SMG5: variants seen among roughly 807,000 people sequenced by gnomAD.
SMG5 encodes SMG5 nonsense mediated mRNA decay factor.
In SMG5, 53 loss-of-function variants were observed where a neutral mutation model predicts 122.9. That is an observed-to-expected ratio of 0.43 (90% CI 0.35 to 0.54). SMG5 has a LOEUF of 0.54. Among genes scored for constraint, SMG5 ranks in the 20% least tolerant of loss-of-function variants. The pLI is 0.01. For synonymous variants in SMG5, 477 were observed against 490.2 expected (o/e 0.97, Z 0.35); for missense variants, 1,153 against 1,285.6 (o/e 0.90, Z 1.58).
chr1:156,278,195 C>G, intron 2 of SMG5, 147 bp from the exon 3 acceptor site: 5 of 944,232 alleles, frequency 5.3e-6, no homozygotes. Context: ...TGACCCAGCA[C>G]AACAGCAGCC....
At chr1:156,268,264 C>T (rs568892582) in intron 8 of SMG5, 26 bp downstream of exon 8, 3 of 1,614,084 alleles carry the variant, frequency 1.9e-6, no homozygotes, top group Admixed American at 1.7e-5. Flanking sequence ...CAGAAAAAAC[C>T]CGTCCTCCTC....
chr1:156,258,312 C>T (rs960971372), intron 16 of SMG5, among the ~76,000 whole-genome samples: 2 of 152,240 alleles, frequency 1.3e-5, no homozygotes, highest in Non-Finnish European at 2.9e-5. Context: ...GTGCAAGGCA[C>T]CTCACACCCA....
At chr1:156,274,723 C>A in intron 4 of SMG5, 37 bp from the exon 5 acceptor site, 1 of 1,558,838 alleles carries the variant, frequency 6.4e-7, no homozygotes, top group South Asian at 1.1e-5. Flanking sequence ...TAGGCCCATT[C>A]TTCTGCCTTC....
intron 16 of SMG5, among the ~76,000 whole-genome samples, chr1:156,258,014 G>T (rs1206642521): frequency 1.3e-5 from 2 of 152,238 alleles, no homozygotes; most frequent in African/African-American, 4.8e-5. Context: ...GGACTGTCTT[G>T]TTCACTGCTA....
In SMG5 at chr1:156,253,086, G is replaced by C. The variant is rs1463544918; in HGVS notation, c.2503-8C>G. 6.3e-7 allele frequency: 1 copy of C among 1,595,032 alleles called. No individual in the cohort carries two copies. Among genetic ancestry groups the C allele is most frequent in the East Asian group, 2.2e-5 (1 of 44,502 alleles). On this transcript the variant is annotated splice_polypyrimidine_tract_variant and splice_region_variant and intron_variant, in intron 17 of 21. Transcript: ENST00000361813. ...CAGCTGAGACACTTCGAGCTGGTGA[G>C]AGAGGGCAAGGTGGGTACAGCTGTG...
rs1371244649 is a variant in SMG5 at position 156,268,319 on chromosome 1, C to G, written c.810G>C (p.Glu270Asp). The G allele has an allele frequency of 1.2e-6, 2 of 1,614,208 alleles. No individual in the cohort carries two copies. Among genetic ancestry groups the G allele is most frequent in the Non-Finnish European group, 1.7e-6 (2 of 1,180,038 alleles). ...AKMYHQLKKC[E>D]TRKLSPGKKR... ...TTTTGCCAGGAGACAGTTTCCGAGT[C>G]TCACACTTCTTCAGTTGGTGGTACA... The change falls in exon 8 of 22, where the codon GAG (glutamate) becomes GAC (aspartate). Residue 270 changes from glutamate to aspartate, a missense_variant. By Grantham distance (45) the Glu-to-Asp change is conservative (BLOSUM62 2). Transcript: ENST00000361813.
At chr1:156,269,271 C>A (rs376680623) in intron 7 of SMG5, among the ~76,000 whole-genome samples, 358 of 152,188 alleles carry the variant, frequency 2.4e-3, no homozygotes, top group Non-Finnish European at 3.6e-3. Context: ...CGCCCAGCCC[C>A]AGCTCATTTT....
intron 21 of SMG5, 92 bp from the exon 22 acceptor site, chr1:156,250,762 GA>G (rs1246246972): frequency 1.2e-6 from 2 of 1,600,316 alleles, no homozygotes; most frequent in Non-Finnish European, 1.7e-6. Flanking sequence ...TGATGGAAGA[GA>G]AAAAAAGGTA....
intron 5 of SMG5, 81 bp from the exon 6 acceptor site, chr1:156,273,531 G>C: frequency 6.1e-6 from 8 of 1,321,854 alleles, no homozygotes; most frequent in Non-Finnish European, 8.6e-6. Flanking sequence ...AGTCCACTCT[G>C]AGAGTGGTAA....
intron 13 of SMG5, among the ~76,000 whole-genome samples, 154 bp downstream of exon 13, chr1:156,263,241 G>A (rs1249574484): frequency 6.6e-6 from 1 of 152,212 alleles, no homozygotes; most frequent in Non-Finnish European, 1.5e-5. Flanking sequence ...ATCCTTCCCT[G>A]TCAGAGCATA....
chr1:156,266,769 T>A, intron 10 of SMG5, 91 bp from the exon 11 acceptor site: 2 of 1,383,752 alleles, frequency 1.4e-6, no homozygotes, highest in Non-Finnish European at 2.0e-6. Flanking sequence ...TGTTCTCAAC[T>A]CTTCCAAGGA....
chr1:156,250,769 A>T, intron 21 of SMG5, 89 bp downstream of exon 21: 11 of 1,603,926 alleles, frequency 6.9e-6, no homozygotes, highest in Non-Finnish European at 9.4e-6. Flanking sequence ...AGAGAAAAAA[A>T]GGTAGCTATG....
intron 16 of SMG5, among the ~76,000 whole-genome samples, chr1:156,254,100 A>G (rs1661472864): frequency 6.6e-6 from 1 of 152,170 alleles, no homozygotes; most frequent in Non-Finnish European, 1.5e-5. Flanking sequence ...CAGCCCCAGA[A>G]GTTATCAGGT....
At position 156,266,530 on chromosome 1, in the gene SMG5, G is replaced by A. The variant is rs753067797; in HGVS notation, c.1255+11C>T. The A allele has an allele frequency of 7.4e-6, 12 of 1,613,858 alleles. No homozygotes were observed. The highest frequency in any genetic ancestry group is 1.7e-5 in the Admixed American group (1 of 59,968). On this transcript the variant is annotated intron_variant, in intron 11 of 21. Coordinates refer to ENST00000361813, the MANE Select transcript of SMG5 (RefSeq NM_015327.3). ...ACCTTTCCATAGTGATGACCTCCCCGATTCTCCCACCTGTGCCATCACTCT... is the reference window on the plus strand; with the variant it reads ...ACCTTTCCATAGTGATGACCTCCCCAATTCTCCCACCTGTGCCATCACTCT...
chr1:156,274,262 T>A (rs543332658), intron 5 of SMG5, among the ~76,000 whole-genome samples: 14 of 152,354 alleles, frequency 9.2e-5, no homozygotes, highest in African/African-American at 3.4e-4. Context: ...CTGAAGTTTC[T>A]ATTCATCTAG....
rs1381263662 is a variant in SMG5 at position 156,260,536 on chromosome 1, G to C, written c.2198C>G (p.Ala733Gly). 1 of 1,574,362 alleles carries C rather than the reference G, an allele frequency of 6.4e-7. No individual in the cohort carries two copies. Among genetic ancestry groups the C allele is most frequent in the East Asian group, 2.4e-5 (1 of 41,890 alleles). The change falls in exon 15 of 22, where the codon GCT (alanine) becomes GGT (glycine). Residue 733 changes from alanine (A) to glycine (G), a missense_variant. Ala to Gly is a moderately conservative substitution (Grantham distance 60). This residue lies in a region of SMG5 where 631 missense variants were observed against 650.6 expected (regional missense o/e 0.97). Transcript: ENST00000361813. ...PSSLLLPEDM[A>G]LRNLPPLRAA... ...TCGGAGCGGGGGCAGGTTACGAAGA[G>C]CCATGTCCTCTGGGAGCAGAAGGCT...
At chr1:156,275,029 G>T (rs1050852184) in intron 4 of SMG5, among the ~76,000 whole-genome samples, 1 of 151,464 alleles carries the variant, frequency 6.6e-6, no homozygotes, top group Non-Finnish European at 1.5e-5. Context: ...TATGAATAGG[G>T]TCATGAATGT....
chr1:156,265,640 A>T, intron 12 of SMG5, 141 bp downstream of exon 12: 1 of 1,283,788 alleles, frequency 7.8e-7, no homozygotes, highest in Non-Finnish European at 1.1e-6. Context: ...GAAAAAACTC[A>T]TGGGCTACAC....
At chr1:156,266,797 G>A in intron 10 of SMG5, 119 bp from the exon 11 acceptor site, 10 of 993,186 alleles carry the variant, frequency 1.0e-5, no homozygotes, top group Middle Eastern at 2.9e-4. Context: ...ACTTATCAAA[G>A]ATTCTTTTTT....
Sources: gnomAD v4.1 joint callset for allele counts (sites outside exome capture counted in the v4.1 genomes callset) on GRCh38, gnomAD v4.1.1 for gene constraint, gnomAD v4.1.1 regional missense constraint, MANE v1.5 for transcripts, NCBI Gene and HGNC (gene_info 2026-07-23, HGNC 2026-07-21) for gene names.